LRRTM3: variants seen among roughly 807,000 people sequenced by gnomAD.
LRRTM3 encodes the protein leucine-rich repeat transmembrane neuronal protein 3.
LRRTM3 carries 24 observed loss-of-function variants against 44.7 expected under a neutral mutation model. The ratio of observed to expected loss-of-function variants is 0.54; its 90% CI spans 0.39 to 0.76. The LOEUF is 0.76. Ranked by LOEUF, LRRTM3 falls within the 30% of genes least tolerant of loss-of-function variation. The pLI, the probability that LRRTM3 is intolerant of heterozygous loss-of-function variation, is 0.00. For missense variants in LRRTM3, 587 were observed against 702.2 expected (o/e 0.84, Z 1.85); for synonymous variants, 277 against 278.7 (o/e 0.99, Z 0.06).
In LRRTM3 at chr10:66,976,385, C is replaced by T. The variant is rs7912293; in HGVS notation, c.1536+47933C>T. Among the ~76,000 whole-genome samples, 1,242 of 152,176 alleles carry T rather than the reference C, an allele frequency of 8.2e-3. 16 individuals carry two copies. Among genetic ancestry groups the T allele is most frequent in the African/African-American group, 0.028 (1,176 of 41,524 alleles). On this transcript the variant is annotated intron_variant, in intron 2 of 2. Coordinates refer to ENST00000361320, the MANE Select transcript of LRRTM3 (RefSeq NM_178011.5). The stretch of plus-strand genomic sequence containing the variant: ...ACATTTCAGACAAAGAAAAACATGT[C>T]AAACATCCTCTCGACTCTGGAACCC...
chr10:67,053,290 A>C (rs1443081587), intron 2 of LRRTM3, among the ~76,000 whole-genome samples: 1 of 152,164 alleles, frequency 6.6e-6, no homozygotes, highest in East Asian at 1.9e-4. Context: ...ACACTATACA[A>C]ATACAAATAC....
chr10:67,026,156 C>T (rs1266420258), intron 2 of LRRTM3, among the ~76,000 whole-genome samples: 2 of 149,974 alleles, frequency 1.3e-5, no homozygotes, highest in Non-Finnish European at 3.0e-5. Flanking sequence ...ATACCTAATG[C>T]TAAATGACGA....
intron 2 of LRRTM3, among the ~76,000 whole-genome samples, chr10:67,001,526 C>T (rs1851692540): frequency 6.6e-6 from 1 of 151,574 alleles, no homozygotes. Flanking sequence ...TAGAATTTTT[C>T]ACCAGCTTGA....
At chr10:67,035,609 GC>G (rs1279923844) in intron 2 of LRRTM3, among the ~76,000 whole-genome samples, 2 of 152,072 alleles carry the variant, frequency 1.3e-5, no homozygotes, top group Admixed American at 1.3e-4. Context: ...GACAAGAGAA[GC>G]AGAAATATAA....
In LRRTM3 at chr10:67,100,477, C is replaced by T. The variant is rs1858277383; in HGVS notation, c.*2681C>T. Among the ~76,000 whole-genome samples, 1 of 151,754 alleles carries T rather than the reference C, an allele frequency of 6.6e-6. No individual in the cohort carries two copies. Among genetic ancestry groups the T allele is most frequent in the Non-Finnish European group, 1.5e-5 (1 of 67,810 alleles). ...AAGACTGTGTCTGGAATCTTTATCA[C>T]ATATTTCCAATTTATTTCAGTTTTT... On this transcript the variant is annotated 3_prime_UTR_variant, in exon 3 of 3. Coordinates refer to ENST00000361320, the MANE Select transcript of LRRTM3 (RefSeq NM_178011.5).
intron 2 of LRRTM3, among the ~76,000 whole-genome samples, chr10:67,070,976 A>G (rs953411868): frequency 3.3e-5 from 5 of 152,182 alleles, no homozygotes; most frequent in African/African-American, 9.7e-5. Context: ...GAATTGCAAC[A>G]TGCATTCTTG....
intron 2 of LRRTM3, among the ~76,000 whole-genome samples, chr10:67,086,160 A>T (rs917115240): frequency 1.3e-4 from 19 of 151,846 alleles, no homozygotes; most frequent in African/African-American, 4.6e-4. Context: ...GAAACAGTAT[A>T]TTTTTTTTCA....
At chr10:67,016,168 T>A (rs115752517) in intron 2 of LRRTM3, among the ~76,000 whole-genome samples, 1 of 152,316 alleles carries the variant, frequency 6.6e-6, no homozygotes, top group East Asian at 1.9e-4. Flanking sequence ...ATGCATGAGT[T>A]TATCCACTGT....
At chr10:66,929,934 G>T (rs1351081693) in intron 2 of LRRTM3, among the ~76,000 whole-genome samples, 1 of 152,168 alleles carries the variant, frequency 6.6e-6, no homozygotes, top group Non-Finnish European at 1.5e-5. Flanking sequence ...ATCAGGAACT[G>T]CAACATTGAG....
chr10:66,940,601 T>G (rs1847946274), intron 2 of LRRTM3, among the ~76,000 whole-genome samples: 1 of 152,240 alleles, frequency 6.6e-6, no homozygotes, highest in African/African-American at 2.4e-5. Context: ...TCAGCAGCTT[T>G]AAATATGAAA....
At chr10:67,073,468 C>T (rs1856573204) in intron 2 of LRRTM3, among the ~76,000 whole-genome samples, 1 of 151,954 alleles carries the variant, frequency 6.6e-6, no homozygotes, top group South Asian at 2.1e-4. Context: ...AAATCCTTTG[C>T]CATCCTGATC....
At chr10:67,077,169 C>T (rs1436371934) in intron 2 of LRRTM3, among the ~76,000 whole-genome samples, 2 of 152,174 alleles carry the variant, frequency 1.3e-5, no homozygotes, top group Non-Finnish European at 2.9e-5. Flanking sequence ...ACACTGCCAT[C>T]TTGCTTCTCT....
At chr10:67,033,639 G>A (rs543371012) in intron 2 of LRRTM3, among the ~76,000 whole-genome samples, 20 of 152,218 alleles carry the variant, frequency 1.3e-4, no homozygotes, top group Non-Finnish European at 2.5e-4. Flanking sequence ...ACCCTATGAA[G>A]TTAGTACTAT....
chr10:67,073,515 C>G (rs942449689), intron 2 of LRRTM3, among the ~76,000 whole-genome samples: 1 of 151,808 alleles, frequency 6.6e-6, no homozygotes, highest in African/African-American at 2.4e-5. Flanking sequence ...GTCAACATCC[C>G]TCTTAAACAA....
intron 2 of LRRTM3, among the ~76,000 whole-genome samples, chr10:67,004,168 A>G (rs1851841761): frequency 6.6e-6 from 1 of 152,140 alleles, no homozygotes; most frequent in Non-Finnish European, 1.5e-5. Flanking sequence ...GTAGTGACAA[A>G]TACTTAATTA....
At position 66,926,474 on chromosome 10, in the gene LRRTM3, G is replaced by T; in HGVS notation, c.-110G>T. 1 of 1,271,776 alleles carries T rather than the reference G, an allele frequency of 7.9e-7. No homozygotes were observed. The highest frequency in any genetic ancestry group is 1.5e-5 in the African/African-American group (1 of 66,404). The allele number at this position is 1,271,776 out of a possible 1,614,324, so 78.8% of individuals were successfully genotyped here. On this transcript the variant is annotated 5_prime_UTR_variant, in exon 1 of 3. Coordinates refer to ENST00000361320, the MANE Select transcript of LRRTM3 (RefSeq NM_178011.5). ...CCCAAGGGGTCCAATTTTTCTTCCT[G>T]GGTGTCAGCGAGCCCTGACTCACTA...
intron 2 of LRRTM3, among the ~76,000 whole-genome samples, chr10:66,983,200 C>T (rs142028998): frequency 2.9e-4 from 44 of 152,256 alleles, no homozygotes; most frequent in African/African-American, 7.5e-4. Context: ...TCAGCACACT[C>T]GGCAGAAAGA....
chr10:67,077,546 C>A (rs1856802954), intron 2 of LRRTM3, among the ~76,000 whole-genome samples: 3 of 152,152 alleles, frequency 2.0e-5, no homozygotes, highest in Non-Finnish European at 4.4e-5. Flanking sequence ...TTGAAGCATG[C>A]TTCCTCCCAC....
rs1010945834 is a variant in LRRTM3, at chr10:67,099,988, G to A, written c.*2192G>A. ...ATGTAAACCAAAATGTCATTTGCAAGTTTTCTCATTAGAAGTTATCCTTGC... is the reference window on the plus strand; with the variant it reads ...ATGTAAACCAAAATGTCATTTGCAAATTTTCTCATTAGAAGTTATCCTTGC... On this transcript the variant is annotated 3_prime_UTR_variant, in exon 3 of 3. Coordinates refer to ENST00000361320, the MANE Select transcript of LRRTM3 (RefSeq NM_178011.5). Among the ~76,000 whole-genome samples, 4 of 151,690 alleles carry A rather than the reference G, an allele frequency of 2.6e-5. No homozygotes were observed. Among genetic ancestry groups the A allele is most frequent in the African/African-American group, 9.7e-5 (4 of 41,366 alleles).
Sources: allele counts gnomAD v4.1 joint callset (sites outside exome capture counted in the v4.1 genomes callset), GRCh38; gene constraint gnomAD v4.1.1; transcripts MANE v1.5; gene names NCBI Gene and HGNC (gene_info 2026-07-23, HGNC 2026-07-21).